Variants in ADGRL2 observed in about 807,000 individuals in gnomAD.
The protein encoded by ADGRL2 is adhesion G protein-coupled receptor L2.
ADGRL2 carries 44 observed loss-of-function variants against 157.4 expected under a neutral mutation model. The ratio of observed to expected loss-of-function variants is 0.28; its 90% CI spans 0.22 to 0.36. ADGRL2 has a LOEUF of 0.36. ADGRL2 is among the 10% of genes least tolerant of loss of function. The pLI, the probability that ADGRL2 is intolerant of heterozygous loss-of-function variation, is 1.00. For synonymous variants in ADGRL2, 585 were observed against 624.7 expected, an observed-to-expected ratio of 0.94 and a Z score of 0.95; for missense variants, 1,510 against 1,768.9, an observed-to-expected ratio of 0.85 and a Z score of 2.63.
chr1:81,371,675 C>T (rs987696528), intron 1 of ADGRL2, among the ~76,000 whole-genome samples: 4 of 152,054 alleles, frequency 2.6e-5, no homozygotes, highest in Non-Finnish European at 5.9e-5. Context: ...TTGTTTTTAT[C>T]TTAATTGTTT....
At chr1:81,403,466 A>T (rs1023606824) in intron 1 of ADGRL2, among the ~76,000 whole-genome samples, 1 of 151,946 alleles carries the variant, frequency 6.6e-6, no homozygotes, top group Non-Finnish European at 1.5e-5. Context: ...GGGTTTCACA[A>T]TGTTGGCCAG....
intron 1 of ADGRL2, among the ~76,000 whole-genome samples, chr1:81,753,837 C>T (rs2085570895): frequency 6.6e-6 from 1 of 152,092 alleles, no homozygotes; most frequent in African/African-American, 2.4e-5. Flanking sequence ...CATTATTACT[C>T]CTAATACCAG....
intron 2 of ADGRL2, among the ~76,000 whole-genome samples, chr1:81,508,752 G>T (rs2079024451): frequency 6.6e-6 from 1 of 152,132 alleles, no homozygotes; most frequent in Non-Finnish European, 1.5e-5. Context: ...ACACACGAGG[G>T]TACCGCCATC....
Position 81,474,753 on chromosome 1 carries a change from C to A in ADGRL2, c.-248+29664C>A, listed in dbSNP as rs545676818. Among the ~76,000 whole-genome samples the A allele has an allele frequency of 4.4e-4, 67 of 152,266 alleles. 1 individual carries two copies. The highest frequency in any genetic ancestry group is 1.6e-3 in the African/African-American group (65 of 41,568). ...TTTCCAGTGCTTTAGAGTTATTGAA[C>A]ATTTTTCAGTCAGTAAGATCCTTAT... On this transcript the variant is annotated intron_variant, in intron 2 of 24. Coordinates refer to the ADGRL2 transcript ENST00000370721.
rs115995914 is a variant in ADGRL2 at position 81,964,986 on chromosome 1, C to A, written c.2018-1072C>A. On this transcript the variant is annotated intron_variant, in intron 11 of 23. Transcript: ENST00000686636. ...AATGAATGTTAATGTAAAATAATTA[C>A]AATCTGTATTGTGATTCCCAGCAGA... Among the ~76,000 whole-genome samples the A allele has an allele frequency of 8.0e-3, 1,214 of 152,140 alleles. 21 individuals are homozygous for A. The highest frequency in any genetic ancestry group is 0.028 in the African/African-American group (1,161 of 41,526).
At chr1:81,851,269 A>G (rs1216453908) in intron 2 of ADGRL2, among the ~76,000 whole-genome samples, 1 of 151,928 alleles carries the variant, frequency 6.6e-6, no homozygotes, top group African/African-American at 2.4e-5. Context: ...GAAGTCAGCT[A>G]ACGTTGGCTT....
chr1:81,344,502 C>T, intron 1 of ADGRL2, among the ~76,000 whole-genome samples: 1 of 151,764 alleles, frequency 6.6e-6, no homozygotes, highest in East Asian at 1.9e-4. Flanking sequence ...CATGGAGAAA[C>T]CCCATCTCTA....
intron 3 of ADGRL2, among the ~76,000 whole-genome samples, chr1:81,660,820 A>G (rs1480835937): frequency 6.6e-6 from 1 of 152,174 alleles, no homozygotes. Flanking sequence ...TTGAGTACCT[A>G]CTTTAGGTCA....
chr1:81,666,361 AAAAT>A (rs1402105468), intron 3 of ADGRL2, among the ~76,000 whole-genome samples: 3 of 152,162 alleles, frequency 2.0e-5, no homozygotes, highest in Admixed American at 1.3e-4. Context: ...ACTCCTGTTG[AAAAT>A]AAATAAATAC....
At chr1:81,798,765 A>C (rs368486073), upstream of ADGRL2, among the ~76,000 whole-genome samples, 2 of 152,170 alleles carry the variant, frequency 1.3e-5, no homozygotes, top group South Asian at 4.1e-4. Context: ...GAGTTAAATA[A>C]ATAAGTAAAT....
At chr1:81,642,571 G>A (rs2082242482) in intron 3 of ADGRL2, among the ~76,000 whole-genome samples, 1 of 151,946 alleles carries the variant, frequency 6.6e-6, no homozygotes, top group African/African-American at 2.4e-5. Flanking sequence ...AAAGCACCAG[G>A]CTCAGATGAA....
chr1:81,447,566 C>T (rs2077621394), intron 2 of ADGRL2, among the ~76,000 whole-genome samples: 1 of 152,072 alleles, frequency 6.6e-6, no homozygotes, highest in Admixed American at 6.6e-5. Flanking sequence ...CCCAAATCTG[C>T]ATGTGAACTT....
intron 1 of ADGRL2, among the ~76,000 whole-genome samples, chr1:81,369,594 G>A (rs1010787234): frequency 7.2e-5 from 11 of 152,074 alleles, no homozygotes; most frequent in African/African-American, 2.4e-4. Flanking sequence ...TGCTTCAGCC[G>A]AATGGATGAC....
chr1:81,951,234 A>T, intron 8 of ADGRL2, 113 bp downstream of exon 8: 1 of 653,196 alleles, frequency 1.5e-6, no homozygotes, highest in Non-Finnish European at 2.6e-6. Context: ...GTTCAGTATA[A>T]AAGTAAAAAA....
chr1:81,950,537 T>G, intron 7 of ADGRL2, 55 bp downstream of exon 7: 1 of 1,430,190 alleles, frequency 7.0e-7, no homozygotes. Context: ...GTAGGTTCTG[T>G]ATTACAGTGA....
intron 2 of ADGRL2, among the ~76,000 whole-genome samples, chr1:81,454,377 G>A (rs1398365817): frequency 6.6e-6 from 1 of 152,098 alleles, no homozygotes; most frequent in Non-Finnish European, 1.5e-5. Flanking sequence ...TTCTCAGTCT[G>A]CTCTCATGGT....
At chr1:81,845,806 GAA>G (rs2092766153) in intron 2 of ADGRL2, among the ~76,000 whole-genome samples, 1 of 151,636 alleles carries the variant, frequency 6.6e-6, no homozygotes, top group South Asian at 2.1e-4. Context: ...ATAGAAGAGA[GAA>G]ATTCGTAGTA....
intron 1 of ADGRL2, among the ~76,000 whole-genome samples, chr1:81,813,033 G>A (rs1185707425): frequency 6.6e-6 from 1 of 151,630 alleles, no homozygotes; most frequent in Non-Finnish European, 1.5e-5. Context: ...TAGGTAAGCA[G>A]GATGATAAGC....
intron 3 of ADGRL2, among the ~76,000 whole-genome samples, chr1:81,632,826 G>A (rs763998582): frequency 3.3e-5 from 5 of 152,130 alleles, no homozygotes; most frequent in Non-Finnish European, 7.4e-5. Context: ...TGAAAAGGTG[G>A]GCAGGGGCCG....
Sources: allele counts gnomAD v4.1 joint callset (sites outside exome capture counted in the v4.1 genomes callset), GRCh38; gene constraint gnomAD v4.1.1; transcripts MANE v1.5; gene names NCBI Gene and HGNC (gene_info 2026-07-23, HGNC 2026-07-21).